Variants in LRMDA observed in about 807,000 individuals in gnomAD.
LRMDA encodes the protein leucine-rich melanocyte differentiation-associated protein.
Under a neutral mutation model 29.8 loss-of-function variants are expected in LRMDA, and 18 were observed. The ratio of observed to expected loss-of-function variants is 0.60; its 90% CI spans 0.42 to 0.90. LRMDA has a LOEUF of 0.90. LRMDA is among the 40% of genes least tolerant of loss of function. LRMDA has a pLI of 0.00. For missense variants in LRMDA, 273 were observed against 273.9 expected, an observed-to-expected ratio of 1.00 and a Z score of 0.02; for synonymous variants, 125 against 109.4, an observed-to-expected ratio of 1.14 and a Z score of -0.89.
At chr10:76,282,857 G>A (rs562574632) in intron 5 of LRMDA, among the ~76,000 whole-genome samples, 1 of 152,220 alleles carries the variant, frequency 6.6e-6, no homozygotes, top group East Asian at 1.9e-4. Flanking sequence ...TTTCAGAGCC[G>A]TGCAGACTGG....
At chr10:75,666,009 TAATTA>T (rs1841817406) in intron 2 of LRMDA, among the ~76,000 whole-genome samples, 1 of 152,214 alleles carries the variant, frequency 6.6e-6, no homozygotes, top group African/African-American at 2.4e-5. Context: ...ACTCTCTCAT[TAATTA>T]AAAGATTCAG....
intron 6 of LRMDA, among the ~76,000 whole-genome samples, chr10:76,329,818 A>G (rs959710452): frequency 6.6e-6 from 1 of 152,254 alleles, no homozygotes; most frequent in Admixed American, 6.5e-5. Flanking sequence ...CCAAAAAAGA[A>G]GAAAAAGACC....
intron 2 of LRMDA, among the ~76,000 whole-genome samples, chr10:75,633,895 A>G (rs866164495): frequency 3.9e-5 from 6 of 152,232 alleles, no homozygotes; most frequent in African/African-American, 1.4e-4. Flanking sequence ...GTGTTTAGTC[A>G]ATAAAATAAA....
At chr10:75,494,958 C>G (rs539032723) in intron 2 of LRMDA, among the ~76,000 whole-genome samples, 1 of 152,166 alleles carries the variant, frequency 6.6e-6, no homozygotes, top group African/African-American at 2.4e-5. Context: ...TGTCCACATT[C>G]CAGGCTGGCA....
intron 2 of LRMDA, among the ~76,000 whole-genome samples, chr10:75,839,200 C>T (rs936452747): frequency 6.6e-6 from 1 of 152,200 alleles, no homozygotes; most frequent in South Asian, 2.1e-4. Context: ...TGGCTAAACA[C>T]ACATTTGTTC....
chr10:75,557,001 T>C (rs1321553650), intron 2 of LRMDA, among the ~76,000 whole-genome samples: 1 of 151,526 alleles, frequency 6.6e-6, no homozygotes, highest in South Asian at 2.1e-4. Flanking sequence ...TAAAACTGAT[T>C]AGAAACAAAC....
At chr10:75,662,111 C>CTT (rs57920612) in intron 2 of LRMDA, among the ~76,000 whole-genome samples, 2 of 146,364 alleles carry the variant, frequency 1.4e-5, no homozygotes, top group African/African-American at 5.0e-5. Context: ...AATTTAGCTG[C>CTT]TTTTTTTTTT....
At chr10:75,596,526 ATC>A (rs1048936680) in intron 2 of LRMDA, among the ~76,000 whole-genome samples, 2 of 152,036 alleles carry the variant, frequency 1.3e-5, no homozygotes, top group Non-Finnish European at 2.9e-5. Context: ...TCATTTTTCC[ATC>A]TGAGTCTACT....
At chr10:75,958,383 G>A (rs1293395075) in intron 2 of LRMDA, among the ~76,000 whole-genome samples, 1 of 152,214 alleles carries the variant, frequency 6.6e-6, no homozygotes, top group Non-Finnish European at 1.5e-5. Flanking sequence ...CGGTTACCTT[G>A]TTAGAAACAT....
At chr10:75,572,762 A>G (rs1198306132) in intron 2 of LRMDA, among the ~76,000 whole-genome samples, 1 of 152,178 alleles carries the variant, frequency 6.6e-6, no homozygotes, top group African/African-American at 2.4e-5. Context: ...CCTAAAATTT[A>G]TATGTTGAAG....
chr10:76,240,629 T>C (rs906537866), intron 5 of LRMDA, among the ~76,000 whole-genome samples: 2 of 150,804 alleles, frequency 1.3e-5, no homozygotes, highest in Non-Finnish European at 2.9e-5. Flanking sequence ...CTCCTGGGTA[T>C]CTACCCAGAG....
chr10:75,629,750 C>A (rs1163644577), intron 2 of LRMDA, among the ~76,000 whole-genome samples: 1 of 152,106 alleles, frequency 6.6e-6, no homozygotes, highest in African/African-American at 2.4e-5. Flanking sequence ...GATATCAGAG[C>A]AGCATATTGA....
chr10:75,551,017 T>C (rs1840136042), intron 2 of LRMDA, among the ~76,000 whole-genome samples: 1 of 152,090 alleles, frequency 6.6e-6, no homozygotes, highest in South Asian at 2.1e-4. Flanking sequence ...ATTGGTACTA[T>C]CTTTTCTTTA....
intron 2 of LRMDA, among the ~76,000 whole-genome samples, chr10:75,759,230 C>G (rs977451762): frequency 6.6e-6 from 1 of 152,132 alleles, no homozygotes; most frequent in Non-Finnish European, 1.5e-5. Flanking sequence ...ATTAAGCTTG[C>G]GTAGATTGCT....
chr10:76,036,804 T>C (rs1360117107), intron 3 of LRMDA, among the ~76,000 whole-genome samples: 1 of 152,090 alleles, frequency 6.6e-6, no homozygotes, highest in Non-Finnish European at 1.5e-5. Context: ...GTAGTGGGGA[T>C]GGAAACAGGG....
intron 2 of LRMDA, among the ~76,000 whole-genome samples, chr10:75,568,744 C>G (rs1272087402): frequency 6.6e-6 from 1 of 152,200 alleles, no homozygotes; most frequent in Non-Finnish European, 1.5e-5. Context: ...ATTCTTAAAG[C>G]TTTAAGATGA....
intron 3 of LRMDA, among the ~76,000 whole-genome samples, chr10:76,042,135 C>T (rs999983946): frequency 1.3e-5 from 2 of 152,176 alleles, no homozygotes; most frequent in Non-Finnish European, 2.9e-5. Flanking sequence ...ATTAAAACTT[C>T]TCATGTTTTA....
chr10:75,899,217 T>C (rs930561702), intron 2 of LRMDA, among the ~76,000 whole-genome samples: 16 of 152,364 alleles, frequency 1.1e-4, no homozygotes, highest in Admixed American at 7.8e-4. Context: ...AAATTATTAG[T>C]GTTTGCTTTT....
chr10:76,457,428 AC>A (rs1234518154), intron 6 of LRMDA, among the ~76,000 whole-genome samples: 4 of 152,260 alleles, frequency 2.6e-5, no homozygotes, highest in African/African-American at 7.2e-5. Flanking sequence ...ACAAGGTGAC[AC>A]TGCTTTTTCG....
Sources: gnomAD v4.1 joint callset for allele counts (sites outside exome capture counted in the v4.1 genomes callset) on GRCh38, gnomAD v4.1.1 for gene constraint, MANE v1.5 for transcripts, NCBI Gene and HGNC (gene_info 2026-07-23, HGNC 2026-07-21) for gene names.